The following ECH1 variants were observed in gnomAD, a reference collection of about 807,000 sequenced individuals.
ECH1 encodes the protein delta(3,5)-Delta(2,4)-dienoyl-CoA isomerase, mitochondrial.
In ECH1, 30 loss-of-function variants were observed where a neutral mutation model predicts 37.0. The ratio of observed to expected loss-of-function variants is 0.81; its 90% confidence interval spans 0.61 to 1.10. The LOEUF (loss-of-function observed/expected upper bound fraction) is 1.10, where lower values mean the gene tolerates loss of function less well. Among genes scored for constraint, ECH1 ranks in the 50% least tolerant of loss-of-function variants. ECH1 has a pLI of 0.00. For synonymous variants in ECH1, 178 were observed against 176.0 expected, an observed-to-expected ratio of 1.01 and a Z score of -0.09; for missense variants, 456 against 441.6, an observed-to-expected ratio of 1.03 and a Z score of -0.29.
intron 3 of ECH1, among the ~76,000 whole-genome samples, chr19:38,824,942 C>T (rs2145381619): frequency 6.6e-6 from 1 of 152,306 alleles, no homozygotes; most frequent in African/African-American, 2.4e-5. Context: ...CACCCGGGTA[C>T]ATGTCCCCTT....
In ECH1 at chr19:38,831,487, T is replaced by C. The variant is rs1209020628; in HGVS notation, c.82A>G (p.Ser28Gly). 4 of 1,614,058 alleles carry C rather than the reference T, an allele frequency of 2.5e-6. No homozygotes were observed. Among genetic ancestry groups the C allele is most frequent in the Non-Finnish European group, 3.4e-6 (4 of 1,179,966 alleles). Residue 28 changes from serine to glycine, a missense_variant, in exon 2 of 10, where the codon AGT (serine) becomes GGT (glycine). Ser to Gly is a moderately conservative substitution (Grantham distance 56). Coordinates refer to ENST00000221418, the MANE Select transcript of ECH1 (RefSeq NM_001398.3). ...GAGCCAGTGAGGCGAAGGCTAATAC[T>C]GAGTCCCGGGTAGTTGGAGCCTGTC... is the stretch of plus-strand genomic sequence containing the variant. ...RLTGSNYPGL[S>G]ISLRLTGSSA...
intron 6 of ECH1, 175 bp downstream of exon 6, chr19:38,816,890 A>G: frequency 1.3e-6 from 1 of 743,782 alleles, no homozygotes; most frequent in Non-Finnish European, 2.2e-6. Flanking sequence ...GCCAGCCTCA[A>G]CCCCACCTCA....
At chr19:38,826,660 C>T (rs1283043822) in intron 3 of ECH1, among the ~76,000 whole-genome samples, 1 of 152,168 alleles carries the variant, frequency 6.6e-6, no homozygotes, top group African/African-American at 2.4e-5. Context: ...CTTCTGTATT[C>T]CCCTACACTC....
chr19:38,815,858 A>T lies in ECH1; in HGVS notation c.881T>A (p.Val294Glu). ...GATTGGTCGGAGCGTGCACCTTACC[A>T]CGTAGTTGAGGCTCTCGGCCACCGA... ...DHSVAESLNYVASWNMSMLQT... is the reference protein window; with the variant it reads ...DHSVAESLNYEASWNMSMLQT... Residue 294 changes from valine (V) to glutamate (E), a missense_variant and splice_region_variant, in exon 9 of 10, where the codon GTG becomes GAG. By Grantham distance (121) the Val-to-Glu change is moderately radical. Coordinates refer to ENST00000221418, the MANE Select transcript of ECH1 (RefSeq NM_001398.3). 2 of 1,614,078 alleles carry T rather than the reference A, an allele frequency of 1.2e-6. No homozygotes were observed. Among genetic ancestry groups the T allele is most frequent in the Non-Finnish European group, 1.7e-6 (2 of 1,179,996 alleles).
chr19:38,819,547 T>A (rs963977882), intron 3 of ECH1, among the ~76,000 whole-genome samples: 4 of 151,968 alleles, frequency 2.6e-5, no homozygotes, highest in African/African-American at 9.7e-5. Context: ...CACTGCTGCA[T>A]CCCCTGGGCC....
intron 3 of ECH1, chr19:38,820,601 G>C (rs544159787): frequency 1.3e-5 from 2 of 152,298 alleles, no homozygotes; most frequent in Non-Finnish European, 2.9e-5. Flanking sequence ...TTAGAAAGGG[G>C]CGTCACACAC....
At chr19:38,830,886 G>A in intron 3 of ECH1, 192 bp downstream of exon 3, 3 of 587,934 alleles carry the variant, frequency 5.1e-6, no homozygotes, top group Non-Finnish European at 6.0e-6. Context: ...AACCCGGGAG[G>A]TGGAGGTTGC....
At position 38,831,147 on chromosome 19, in the gene ECH1, T is replaced by G. The variant is rs1568362401; in HGVS notation, c.280A>C (p.Asn94His). Residue 94 changes from asparagine (N) to histidine (H), a missense_variant, in exon 3 of 10, where the codon AAC becomes CAC. By Grantham distance (68) the Asn-to-His change is moderately conservative. Coordinates refer to ENST00000221418, the MANE Select transcript of ECH1 (RefSeq NM_001398.3). ...VFWREMVECF[N>H]KISRDADCRA... ...CAGTCAGCGTCTCTCGAAATCTTGTTGAAGCACTCTACCATCTCTCTGTGA... is the reference window on the plus strand; with the variant it reads ...CAGTCAGCGTCTCTCGAAATCTTGTGGAAGCACTCTACCATCTCTCTGTGA... 6.2e-7 allele frequency: 1 copy of G among 1,614,118 alleles called. No homozygotes were observed. Among genetic ancestry groups the G allele is most frequent in the Non-Finnish European group, 8.5e-7 (1 of 1,180,030 alleles).
At chr19:38,821,883 G>A (rs575088626) in intron 3 of ECH1, among the ~76,000 whole-genome samples, 9 of 152,356 alleles carry the variant, frequency 5.9e-5, no homozygotes, top group East Asian at 3.9e-4. Context: ...GGAGTGCTCC[G>A]CCTGCGGCCC....
intron 5 of ECH1, 61 bp downstream of exon 5, chr19:38,817,255 G>C (rs372378217): frequency 1.4e-5 from 21 of 1,530,766 alleles, no homozygotes; most frequent in Non-Finnish European, 1.9e-5. Context: ...CAGTGGCCGC[G>C]GCATCGGAGC....
rs771368717 is a variant in ECH1 at position 38,831,747 on chromosome 19, C to T, written c.26G>A (p.Arg9His). The T allele has an allele frequency of 3.0e-5, 49 of 1,612,798 alleles. No individual in the cohort carries two copies. In the South Asian group the frequency reaches 3.3e-4, roughly 11 times the overall value. Residue 9 changes from arginine to histidine, a missense_variant, in exon 1 of 10, where the codon CGC (arginine) becomes CAC (histidine). By Grantham distance (29) the Arg-to-His change is conservative (BLOSUM62 0). Coordinates refer to ENST00000221418, the MANE Select transcript of ECH1 (RefSeq NM_001398.3). ...CCGGGTCAGTAGGTCGCGGAGTCTG[C>T]GAGAAGCCACTATCCCCGCCGCCAT... MAAGIVAS[R>H]RLRDLLTRRL... is the part of the protein sequence containing the mutation.
At chr19:38,830,467 T>C (rs1457241623) in intron 3 of ECH1, among the ~76,000 whole-genome samples, 2 of 152,146 alleles carry the variant, frequency 1.3e-5, no homozygotes, top group East Asian at 3.8e-4. Flanking sequence ...TATATTTGAA[T>C]GTTTTAAAGT....
At chr19:38,828,962 A>G (rs1419034967) in intron 3 of ECH1, among the ~76,000 whole-genome samples, 1 of 150,232 alleles carries the variant, frequency 6.7e-6, no homozygotes, top group Non-Finnish European at 1.5e-5. Flanking sequence ...ACTATGCTCA[A>G]TGGCAGGAAG....
intron 3 of ECH1, among the ~76,000 whole-genome samples, chr19:38,824,548 C>T (rs555799257): frequency 6.6e-6 from 1 of 152,228 alleles, no homozygotes; most frequent in East Asian, 1.9e-4. Flanking sequence ...TTTTTTTCTG[C>T]ACTATGGCCT....
intron 3 of ECH1, among the ~76,000 whole-genome samples, chr19:38,820,739 A>G (rs1428445407): frequency 2.6e-5 from 4 of 152,130 alleles, no homozygotes; most frequent in East Asian, 3.9e-4. Context: ...TGAAAATAAG[A>G]TAAGACGGCC....
chr19:38,817,641 T>C, intron 3 of ECH1, 66 bp from the exon 4 acceptor site: 1 of 1,516,274 alleles, frequency 6.6e-7, no homozygotes, highest in Non-Finnish European at 8.9e-7. Flanking sequence ...CAACCAGGGA[T>C]CAGAACCCAG....
intron 3 of ECH1, among the ~76,000 whole-genome samples, chr19:38,821,676 A>T (rs1358126340): frequency 6.6e-6 from 1 of 152,206 alleles, no homozygotes; most frequent in Non-Finnish European, 1.5e-5. Context: ...GTCCCCCAGC[A>T]GTGCCGGCCC....
chr19:38,818,932 T>TGCGC (rs1555721678), intron 3 of ECH1, among the ~76,000 whole-genome samples: 3,165 of 142,804 alleles, frequency 0.022, 126 homozygotes, highest in East Asian at 0.099. Context: ...TGTGTGTGTG[T>TGCGC]GCACTGTTCC....
intron 3 of ECH1, among the ~76,000 whole-genome samples, chr19:38,826,734 G>A (rs571245364): frequency 6.6e-5 from 10 of 152,100 alleles, no homozygotes; most frequent in South Asian, 4.1e-4. Flanking sequence ...TTATGTGGAC[G>A]GTCTTGCCCC....
Sources: gnomAD v4.1 joint callset for allele counts (sites outside exome capture counted in the v4.1 genomes callset) on GRCh38, gnomAD v4.1.1 for gene constraint, MANE v1.5 for transcripts, NCBI Gene and HGNC (gene_info 2026-07-23, HGNC 2026-07-21) for gene names.